Variants in PRKCB observed in about 807,000 individuals in gnomAD.
The protein encoded by PRKCB is protein kinase C beta.
Under a neutral mutation model 81.5 loss-of-function variants are expected in PRKCB, and 13 were observed. The observed-to-expected ratio is 0.16, with a 90% CI of 0.10 to 0.25. The LOEUF is 0.25. Among genes scored for constraint, PRKCB ranks in the 10% least tolerant of loss-of-function variants. The pLI is 1.00. For synonymous variants in PRKCB, 335 were observed against 321.4 expected (o/e 1.04, Z -0.45); for missense variants, 509 against 875.7 (o/e 0.58, Z 5.29).
intron 2 of PRKCB, among the ~76,000 whole-genome samples, chr16:23,937,827 G>C (rs551726887): frequency 6.4e-4 from 98 of 152,348 alleles, no homozygotes; most frequent in African/African-American, 2.3e-3. Flanking sequence ...AAGCCAGCAA[G>C]GGAAGGGGAG....
At chr16:23,929,481 C>T (rs563984879) in intron 2 of PRKCB, among the ~76,000 whole-genome samples, 61 of 152,144 alleles carry the variant, frequency 4.0e-4, no homozygotes, top group Non-Finnish European at 5.9e-5. Context: ...GAGTGAAATA[C>T]CTCATAGAGG....
At chr16:23,844,711 G>A (rs1962335743) in intron 2 of PRKCB, among the ~76,000 whole-genome samples, 1 of 151,004 alleles carries the variant, frequency 6.6e-6, no homozygotes, top group Admixed American at 6.6e-5. Flanking sequence ...GTTTCACCAT[G>A]TTAGCCAGGA....
intron 5 of PRKCB, among the ~76,000 whole-genome samples, chr16:24,040,241 C>G (rs187908820): frequency 6.6e-6 from 1 of 152,306 alleles, no homozygotes; most frequent in African/African-American, 2.4e-5. Flanking sequence ...GTCTTTATAA[C>G]AGACTAAATC....
chr16:24,206,864 A>G (rs1293530595), intron 16 of PRKCB, among the ~76,000 whole-genome samples: 2 of 152,366 alleles, frequency 1.3e-5, no homozygotes, highest in Non-Finnish European at 1.5e-5. Context: ...ACAGCCAAAT[A>G]TTAGCCTTCC....
At chr16:23,999,269 C>T (rs1027935676) in intron 3 of PRKCB, among the ~76,000 whole-genome samples, 1 of 152,166 alleles carries the variant, frequency 6.6e-6, no homozygotes, top group Non-Finnish European at 1.5e-5. Flanking sequence ...AACACACAGG[C>T]GGTGACCTTG....
rs192317020 is a variant in PRKCB, at chr16:24,165,406, C to A, written c.1240-6864C>A. Among the ~76,000 whole-genome samples, 341 of 152,298 alleles carry A rather than the reference C, an allele frequency of 2.2e-3. 1 individual carries two copies. Among genetic ancestry groups the A allele is most frequent in the African/African-American group, 7.9e-3 (330 of 41,560 alleles). ...CTTGTTTTAACCAAGATTCTGAATT[C>A]CCTGAGGGCAAGCCTGAACCTTATT... is the stretch of plus-strand genomic sequence containing the variant. On this transcript the variant is annotated intron_variant, in intron 10 of 16. Coordinates refer to ENST00000643927, the MANE Select transcript of PRKCB (RefSeq NM_002738.7).
chr16:24,135,920 A>G (rs1031380171), intron 9 of PRKCB, among the ~76,000 whole-genome samples: 1 of 152,192 alleles, frequency 6.6e-6, no homozygotes, highest in Non-Finnish European at 1.5e-5. Context: ...GTTCACAGAT[A>G]GCTCAAAGTG....
chr16:23,849,322 AG>A (rs1962432466), intron 2 of PRKCB, among the ~76,000 whole-genome samples: 1 of 152,184 alleles, frequency 6.6e-6, no homozygotes, highest in Non-Finnish European at 1.5e-5. Flanking sequence ...CAGATAGTGT[AG>A]GTGAAGGTGG....
rs946527610 is a variant in PRKCB at position 24,133,969 on chromosome 16, C to T, written c.1065+9988C>T. Among the ~76,000 whole-genome samples, 3 of 149,684 alleles carry T rather than the reference C, an allele frequency of 2.0e-5. 1 individual carries two copies. Among genetic ancestry groups the T allele is most frequent in the South Asian group, 4.2e-4 (2 of 4,750 alleles). ...GGAGTGCAGTGACGTGACCATGGTT[C>T]GCTGCAGCTTCAACCTCCCAGGCTC... On this transcript the variant is annotated intron_variant, in intron 9 of 16. Coordinates refer to ENST00000643927, the MANE Select transcript of PRKCB (RefSeq NM_002738.7).
intron 2 of PRKCB, among the ~76,000 whole-genome samples, chr16:23,941,877 G>T (rs1964144424): frequency 1.3e-5 from 2 of 152,164 alleles, no homozygotes; most frequent in African/African-American, 4.8e-5. Flanking sequence ...ATTTGTCATT[G>T]TTTTGGATGT....
intron 3 of PRKCB, among the ~76,000 whole-genome samples, chr16:23,993,361 G>C (rs908199424): frequency 6.6e-6 from 1 of 152,136 alleles, no homozygotes; most frequent in Non-Finnish European, 1.5e-5. Context: ...CAGTTTAGCT[G>C]GTTGGCTGAA....
chr16:24,219,157 T>C lies in PRKCB; in HGVS notation c.*4341T>C. 1 of 984,900 alleles carries C rather than the reference T, an allele frequency of 1.0e-6. No individual in the cohort carries two copies. Among genetic ancestry groups the C allele is most frequent in the African/African-American group, 1.7e-5 (1 of 57,316 alleles). The allele number at this position is 984,900 out of a possible 1,614,324, so 61.0% of individuals were successfully genotyped here. ...GAGACTTGCCCCAAGCAATTGCTAG[T>C]AAATGGGGGTTAATTTCTTCTCCAC... On this transcript the variant is annotated 3_prime_UTR_variant, in exon 17 of 17. Transcript: ENST00000643927.
intron 9 of PRKCB, among the ~76,000 whole-genome samples, chr16:24,133,620 C>A (rs180925975): frequency 7.9e-5 from 12 of 152,342 alleles, no homozygotes; most frequent in Non-Finnish European, 1.3e-4. Flanking sequence ...CCACTCACAC[C>A]CTGCCCATTA....
intron 2 of PRKCB, among the ~76,000 whole-genome samples, chr16:23,914,262 G>A (rs547831053): frequency 3.3e-5 from 5 of 152,260 alleles, no homozygotes; most frequent in African/African-American, 1.2e-4. Context: ...TGATCCTTCT[G>A]CCTCAGCTTC....
At chr16:24,103,533 T>A (rs1294043284) in intron 7 of PRKCB, among the ~76,000 whole-genome samples, 1 of 152,216 alleles carries the variant, frequency 6.6e-6, no homozygotes, top group Non-Finnish European at 1.5e-5. Flanking sequence ...GAGTATACTT[T>A]TTTGTGGAGA....
chr16:24,178,940 C>A (rs1967576918), intron 12 of PRKCB, among the ~76,000 whole-genome samples: 1 of 152,118 alleles, frequency 6.6e-6, no homozygotes, highest in Admixed American at 6.5e-5. Context: ...GACTTTAGGC[C>A]TGGATAAATG....
At chr16:24,081,266 A>AT (rs1398682088) in intron 5 of PRKCB, among the ~76,000 whole-genome samples, 1 of 147,548 alleles carries the variant, frequency 6.8e-6, no homozygotes, top group African/African-American at 2.6e-5. Context: ...CTTAATAATA[A>AT]AAAAAAAAAT....
chr16:23,971,111 A>G (rs1025983437), intron 2 of PRKCB, among the ~76,000 whole-genome samples: 11 of 152,244 alleles, frequency 7.2e-5, no homozygotes, highest in African/African-American at 2.4e-4. Flanking sequence ...CTTGAGTTAC[A>G]GTAAATATGC....
intron 2 of PRKCB, among the ~76,000 whole-genome samples, chr16:23,919,920 CTCTCA>C (rs1419441196): frequency 3.9e-5 from 6 of 152,270 alleles, no homozygotes; most frequent in Non-Finnish European, 8.8e-5. Flanking sequence ...AGTTGGATTG[CTCTCA>C]TCTTTTGGCT....
Sources: allele counts gnomAD v4.1 joint callset (sites outside exome capture counted in the v4.1 genomes callset), GRCh38; gene constraint gnomAD v4.1.1; transcripts MANE v1.5; gene names NCBI Gene and HGNC (gene_info 2026-07-23, HGNC 2026-07-21).